The following RTKN2 variants were observed in gnomAD, a reference collection of about 807,000 sequenced individuals.
RTKN2 encodes rhotekin-2.
In RTKN2, 69 loss-of-function variants were observed where a neutral mutation model predicts 71.5. That is an observed-to-expected ratio of 0.96 (90% CI 0.79 to 1.18). The LOEUF is 1.18. Among genes scored for constraint, RTKN2 ranks in the 50% most tolerant of loss-of-function variants. RTKN2 has a pLI of 0.00. For missense variants in RTKN2, 724 were observed against 719.7 expected, an observed-to-expected ratio of 1.01 and a Z score of -0.07; for synonymous variants, 236 against 236.5, an observed-to-expected ratio of 1.00 and a Z score of 0.02.
intron 3 of RTKN2, among the ~76,000 whole-genome samples, chr10:62,243,851 AGTCT>A (rs558392064): frequency 1.4e-3 from 214 of 152,298 alleles, no homozygotes; most frequent in Non-Finnish European, 1.8e-3. Context: ...AAGTCCCAGA[AGTCT>A]GTCTATCATT....
chr10:62,246,151 T>C, intron 2 of RTKN2, 94 bp from the exon 3 acceptor site: 3 of 718,984 alleles, frequency 4.2e-6, no homozygotes, highest in Admixed American at 2.8e-5. Context: ...TAAAAGCAAA[T>C]GCATATCCGT....
Position 62,199,881 on chromosome 10 carries a change from G to A in RTKN2, c.1187-20C>T, listed in dbSNP as rs758870555. ...ATTGGCCTAAGACAGACAGAAAAAA[G>A]GTAGACTAGTTTAAAACATAAATGT... On this transcript the variant is annotated intron_variant, in intron 10 of 11. Coordinates refer to ENST00000373789, the MANE Select transcript of RTKN2 (RefSeq NM_145307.4). The A allele has an allele frequency of 7.0e-7, 1 of 1,437,178 alleles. No individual in the cohort carries two copies. Among genetic ancestry groups the A allele is most frequent in the Non-Finnish European group, 9.8e-7 (1 of 1,025,462 alleles). The allele number at this position is 1,437,178 out of a possible 1,614,324, so 89.0% of individuals were successfully genotyped here.
At chr10:62,247,076 TAA>T (rs1002733330) in intron 2 of RTKN2, among the ~76,000 whole-genome samples, 3 of 151,162 alleles carry the variant, frequency 2.0e-5, no homozygotes, top group Non-Finnish European at 4.5e-5. Flanking sequence ...AAATAAGTGA[TAA>T]GATGGAAATT....
intron 9 of RTKN2, among the ~76,000 whole-genome samples, chr10:62,209,324 C>T (rs1436728119): frequency 2.6e-5 from 4 of 151,698 alleles, no homozygotes; most frequent in Non-Finnish European, 5.9e-5. Context: ...CTAGAAAAAT[C>T]CAGACTATGG....
intron 4 of RTKN2, among the ~76,000 whole-genome samples, chr10:62,240,508 T>C (rs1182161828): frequency 6.6e-6 from 1 of 152,196 alleles, no homozygotes; most frequent in East Asian, 1.9e-4. Context: ...GATTTTAAAT[T>C]CTTCATATAA....
At position 62,261,141 on chromosome 10, in the gene RTKN2, T is replaced by C. The variant is rs923813058; in HGVS notation, c.257+1484A>G. Among the ~76,000 whole-genome samples, 6 of 152,218 alleles carry C rather than the reference T, an allele frequency of 3.9e-5. No homozygotes were observed. The East Asian group carries it at 1.2e-3, about 29-fold the overall frequency. On this transcript the variant is annotated intron_variant, in intron 2 of 11. Coordinates refer to ENST00000373789, the MANE Select transcript of RTKN2 (RefSeq NM_145307.4). ...ACTCACTTAAACCAATGTATGCCTATCTGAAAAACATTTTCCTACATTATG... is the reference window on the plus strand; with the variant it reads ...ACTCACTTAAACCAATGTATGCCTACCTGAAAAACATTTTCCTACATTATG...
chr10:62,262,903 T>A lies in RTKN2; in HGVS notation c.61-82A>T, dbSNP rs1333087008. The A allele has an allele frequency of 7.2e-5, 55 of 767,080 alleles. 1 individual carries two copies. Among genetic ancestry groups the A allele is most frequent in the South Asian group, 6.4e-4 (32 of 50,036 alleles). The allele number at this position is 767,080 out of a possible 1,614,324, so 47.5% of individuals were successfully genotyped here. On this transcript the variant is annotated intron_variant, in intron 1 of 11. Coordinates refer to ENST00000373789, the MANE Select transcript of RTKN2 (RefSeq NM_145307.4). ...CATAATAGATCGAAAATAGGTATCATAATTGTATACCATATTGAGAAAGCA... is the reference window on the plus strand; with the variant it reads ...CATAATAGATCGAAAATAGGTATCAAAATTGTATACCATATTGAGAAAGCA...
rs1252827376 is a variant in RTKN2, at chr10:62,262,672, C to A, written c.210G>T (p.Ser70=). The A allele has an allele frequency of 1.2e-6, 2 of 1,612,208 alleles. No individual in the cohort carries two copies. The highest frequency in any genetic ancestry group is 1.7e-6 in the Non-Finnish European group (2 of 1,179,090). ...VCNARLMAYT[S]ELQKLEEQIA... The stretch of plus-strand genomic sequence containing the variant: ...TCTGTTCTTCTAATTTCTGTAGCTC[C>A]GATGTATAGGCCATTAGTCGAGCAT... Residue 70 remains serine, a synonymous_variant, in exon 2 of 12, where the codon TCG becomes TCT. Coordinates refer to ENST00000373789, the MANE Select transcript of RTKN2 (RefSeq NM_145307.4).
intron 2 of RTKN2, among the ~76,000 whole-genome samples, chr10:62,253,980 T>C (rs1393619972): frequency 1.3e-5 from 2 of 152,140 alleles, no homozygotes; most frequent in Non-Finnish European, 2.9e-5. Context: ...GGCTGATTCT[T>C]GGGGTGGGAA....
At chr10:62,187,637 C>T (rs3125732) in intron 8 of RTKN2, among the ~76,000 whole-genome samples, 136,608 of 152,278 alleles carry the variant, frequency 0.9, 61,372 homozygotes, top group East Asian at 1. Context: ...CTTTTTTTTC[C>T]TTTTTAGAAA....
Position 62,195,611 on chromosome 10 carries a change from GAA to G in RTKN2, c.*2295_*2296del. ...GGAGAGACGGACAGAGGGAATGAAG[GAA>G]GGAAGGAAGGAAGGAAGGAAGGAAG... On this transcript the variant is annotated 3_prime_UTR_variant, in exon 12 of 12. Coordinates refer to ENST00000373789, the MANE Select transcript of RTKN2 (RefSeq NM_145307.4). 4.9e-5 allele frequency: 1 copy of G among 20,596 alleles called. No individual in the cohort carries two copies. Among genetic ancestry groups the G allele is most frequent in the African/African-American group, 3.7e-4 (1 of 2,710 alleles). 1.3% of individuals were successfully genotyped at this position (20,596 alleles called of 1,614,324 possible). A position where few individuals can be genotyped will look rare whatever the true frequency, so the allele number is the denominator to read the frequency against.
At chr10:62,229,185 GA>G (rs2132948266) in intron 6 of RTKN2, among the ~76,000 whole-genome samples, 1 of 152,332 alleles carries the variant, frequency 6.6e-6, no homozygotes, top group Admixed American at 6.5e-5. Context: ...GAGATGCTAG[GA>G]AAGGATAAAA....
At chr10:62,249,112 A>C (rs887035140) in intron 2 of RTKN2, among the ~76,000 whole-genome samples, 8 of 152,188 alleles carry the variant, frequency 5.3e-5, no homozygotes, top group Non-Finnish European at 8.8e-5. Context: ...CTAAGAGTAC[A>C]CAATTTTCAC....
Position 62,193,623 on chromosome 10 carries a change from C to T in RTKN2, c.*4285G>A, listed in dbSNP as rs182384824. 4.3e-5 allele frequency: 42 copies of T among 985,160 alleles called. No individual in the cohort carries two copies. The highest frequency in any genetic ancestry group is 1.4e-4 in the South Asian group (3 of 21,280). The allele number at this position is 985,160 out of a possible 1,614,324, so 61.0% of individuals were successfully genotyped here. A position where few individuals can be genotyped will look rare whatever the true frequency, so the allele number is the denominator to read the frequency against. On this transcript the variant is annotated 3_prime_UTR_variant, in exon 12 of 12. Transcript: ENST00000373789. ...GCCAGGATTGCTCATTTCTCTCCCC[C>T]ACTCTGAGGCGCTCTGCAGGAATAA...
chr10:62,268,406 C>T, intron 1 of RTKN2, 145 bp downstream of exon 1: 3 of 815,894 alleles, frequency 3.7e-6, no homozygotes, highest in East Asian at 2.7e-5. Context: ...AGAGCGCAGT[C>T]TCCTAATCCC....
At chr10:62,234,346 G>A in intron 6 of RTKN2, among the ~76,000 whole-genome samples, 1 of 151,998 alleles carries the variant, frequency 6.6e-6, no homozygotes, top group East Asian at 1.9e-4. Context: ...GCAATGTGGT[G>A]AAACCCTATC....
chr10:62,227,095 T>C (rs1482411258), intron 6 of RTKN2, among the ~76,000 whole-genome samples: 1 of 152,192 alleles, frequency 6.6e-6, no homozygotes, highest in Non-Finnish European at 1.5e-5. Context: ...CGACAATAAG[T>C]GGGGTGCCTT....
At chr10:62,251,506 G>A (rs1299880407) in intron 2 of RTKN2, among the ~76,000 whole-genome samples, 1 of 152,026 alleles carries the variant, frequency 6.6e-6, no homozygotes, top group East Asian at 1.9e-4. Context: ...TAATCACTTG[G>A]CTCAGAAAAA....
chr10:62,206,870 G>A (rs1320937332), intron 9 of RTKN2, among the ~76,000 whole-genome samples: 2 of 151,784 alleles, frequency 1.3e-5, no homozygotes, highest in South Asian at 2.1e-4. Context: ...GGAGCTCAAC[G>A]ATGCACCTAA....
Sources: allele counts gnomAD v4.1 joint callset (sites outside exome capture counted in the v4.1 genomes callset), GRCh38; gene constraint gnomAD v4.1.1; transcripts MANE v1.5; gene names NCBI Gene and HGNC (gene_info 2026-07-23, HGNC 2026-07-21).